CDKAL1: variants seen among roughly 807,000 people sequenced by gnomAD.
CDKAL1 encodes threonylcarbamoyladenosine tRNA methylthiotransferase.
In CDKAL1, 32 loss-of-function variants were observed where a neutral mutation model predicts 68.2. The ratio of observed to expected loss-of-function variants is 0.47; its 90% CI spans 0.35 to 0.63. The LOEUF (loss-of-function observed/expected upper bound fraction) is 0.63. CDKAL1 is among the 30% of genes least tolerant of loss of function. The pLI, the probability that CDKAL1 is intolerant of heterozygous loss-of-function variation, is 0.00. For synonymous variants in CDKAL1, 234 were observed against 244.3 expected (o/e 0.96, Z 0.39); for missense variants, 606 against 696.7 (o/e 0.87, Z 1.47).
intron 11 of CDKAL1, among the ~76,000 whole-genome samples, chr6:21,059,595 C>T (rs1267174957): frequency 6.6e-6 from 1 of 152,138 alleles, no homozygotes; most frequent in East Asian, 1.9e-4. Context: ...CTCCGCCCTG[C>T]TTTTCCTCAC....
At chr6:20,663,714 T>G (rs1769396420) in intron 5 of CDKAL1, among the ~76,000 whole-genome samples, 1 of 152,144 alleles carries the variant, frequency 6.6e-6, no homozygotes, top group Non-Finnish European at 1.5e-5. Flanking sequence ...GAGATTCATT[T>G]CTGTGATATA....
At chr6:20,880,779 G>T (rs1436954357) in intron 9 of CDKAL1, among the ~76,000 whole-genome samples, 1 of 152,110 alleles carries the variant, frequency 6.6e-6, no homozygotes, top group African/African-American at 2.4e-5. Context: ...AAGGGGTGGG[G>T]AGGGTTGCTA....
At chr6:21,226,120 C>A (rs1779730155) in intron 15 of CDKAL1, among the ~76,000 whole-genome samples, 1 of 152,132 alleles carries the variant, frequency 6.6e-6, no homozygotes, top group Non-Finnish European at 1.5e-5. Context: ...TGCCTTGTGG[C>A]GTGAAACATG....
chr6:20,873,467 C>G (rs1315079867), intron 9 of CDKAL1, among the ~76,000 whole-genome samples: 1 of 152,160 alleles, frequency 6.6e-6, no homozygotes, highest in Non-Finnish European at 1.5e-5. Context: ...ATCACGATCA[C>G]ATAAGAACCT....
intron 5 of CDKAL1, among the ~76,000 whole-genome samples, chr6:20,704,304 A>C (rs1771503268): frequency 6.6e-6 from 1 of 152,200 alleles, no homozygotes; most frequent in African/African-American, 2.4e-5. Context: ...TGTTAGGAAG[A>C]AAATGAAAGC....
intron 6 of CDKAL1, among the ~76,000 whole-genome samples, chr6:20,744,136 T>A (rs1003899002): frequency 3.3e-5 from 5 of 152,224 alleles, no homozygotes; most frequent in African/African-American, 1.2e-4. Context: ...TTATTACTGC[T>A]ATTTGTTTAT....
chr6:20,791,585 G>A (rs116452464), intron 8 of CDKAL1, among the ~76,000 whole-genome samples: 268 of 152,284 alleles, frequency 1.8e-3, no homozygotes, highest in African/African-American at 5.0e-3. Flanking sequence ...GAAACATGCC[G>A]TACGCAGCAG....
intron 2 of CDKAL1, among the ~76,000 whole-genome samples, chr6:20,537,062 C>T (rs1051039503): frequency 6.6e-6 from 1 of 151,998 alleles, no homozygotes; most frequent in African/African-American, 2.4e-5. Context: ...TGTTTTGAGA[C>T]AGAGTCTCGC....
intron 10 of CDKAL1, among the ~76,000 whole-genome samples, chr6:20,988,366 A>T (rs1766601212): frequency 6.6e-6 from 1 of 152,134 alleles, no homozygotes; most frequent in African/African-American, 2.4e-5. Context: ...ATACCCTCAC[A>T]GACACCCAGA....
chr6:21,204,436 A>G (rs1212217225), intron 15 of CDKAL1, among the ~76,000 whole-genome samples: 1 of 152,186 alleles, frequency 6.6e-6, no homozygotes, highest in African/African-American at 2.4e-5. Context: ...TCTAAAAGAT[A>G]AAGATTCCTT....
At position 20,609,401 on chromosome 6, in the gene CDKAL1, CTTT is replaced by C. The variant is rs1168736535; in HGVS notation, c.287-39882_287-39880del. On this transcript the variant is annotated intron_variant, in intron 4 of 15. Coordinates refer to ENST00000274695, the MANE Select transcript of CDKAL1 (RefSeq NM_017774.3). ...TCTTCTTCTTCTTCTTCTTCTTCTT[CTTT>C]TTTTTTTTTGAGATGGAATCTCACT... Among the ~76,000 whole-genome samples, 25 of 49,782 alleles carry C rather than the reference CTTT, an allele frequency of 5.0e-4. No homozygotes were observed. The East Asian group carries it at 0.011, about 21-fold the overall frequency. 32.7% of individuals were successfully genotyped at this position (49,782 alleles called of 152,430 possible). A position where few individuals can be genotyped will look rare whatever the true frequency, so the allele number is the denominator to read the frequency against.
intron 10 of CDKAL1, among the ~76,000 whole-genome samples, chr6:20,963,457 C>A (rs1765154735): frequency 6.6e-6 from 1 of 152,168 alleles, no homozygotes; most frequent in South Asian, 2.1e-4. Flanking sequence ...CTCAACTACT[C>A]CTCAGAAAAA....
intron 13 of CDKAL1, among the ~76,000 whole-genome samples, chr6:21,179,377 T>C (rs141238378): frequency 7.7e-4 from 118 of 152,338 alleles, no homozygotes; most frequent in Middle Eastern, 3.4e-3. Flanking sequence ...ACCTCAAGAC[T>C]AATACTCAAC....
chr6:20,956,854 C>T (rs1223145571), intron 10 of CDKAL1, among the ~76,000 whole-genome samples: 1 of 151,890 alleles, frequency 6.6e-6, no homozygotes, highest in South Asian at 2.1e-4. Flanking sequence ...TTCTAGCTAG[C>T]TCTTTCTAGT....
intron 12 of CDKAL1, among the ~76,000 whole-genome samples, chr6:21,106,855 G>T (rs1223501000): frequency 6.6e-6 from 1 of 151,434 alleles, no homozygotes; most frequent in Non-Finnish European, 1.5e-5. Context: ...TTGTGTTTGT[G>T]TGTGTGCGTA....
intron 12 of CDKAL1, among the ~76,000 whole-genome samples, chr6:21,102,826 G>A (rs927552763): frequency 3.3e-5 from 5 of 152,144 alleles, no homozygotes; most frequent in Non-Finnish European, 7.3e-5. Context: ...TGTCCAGTTC[G>A]TGAGTTGCCT....
chr6:21,001,690 C>T (rs1767435908), intron 11 of CDKAL1, among the ~76,000 whole-genome samples: 1 of 152,168 alleles, frequency 6.6e-6, no homozygotes, highest in Non-Finnish European at 1.5e-5. Flanking sequence ...GTTTAAGTAT[C>T]TGCTGTTGGC....
chr6:20,769,523 C>T (rs1377986479), intron 7 of CDKAL1, among the ~76,000 whole-genome samples: 1 of 152,036 alleles, frequency 6.6e-6, no homozygotes, highest in East Asian at 1.9e-4. Context: ...TCCCAAAGTG[C>T]TAGGATTACA....
intron 4 of CDKAL1, among the ~76,000 whole-genome samples, chr6:20,602,055 A>G (rs1410923620): frequency 6.6e-6 from 1 of 152,182 alleles, no homozygotes; most frequent in Non-Finnish European, 1.5e-5. Flanking sequence ...TGTGTAAGGG[A>G]CACTGTGCAA....
Sources: allele counts gnomAD v4.1 joint callset (sites outside exome capture counted in the v4.1 genomes callset), GRCh38; gene constraint gnomAD v4.1.1; transcripts MANE v1.5; gene names NCBI Gene and HGNC (gene_info 2026-07-23, HGNC 2026-07-21).